The following TRAPPC9 variants were observed in gnomAD, a reference collection of about 807,000 sequenced individuals.
TRAPPC9 encodes IKK2 binding protein.
In TRAPPC9, 83 loss-of-function variants were observed where a neutral mutation model predicts 124.0. The ratio of observed to expected loss-of-function variants is 0.67; its 90% confidence interval spans 0.56 to 0.80. The LOEUF (loss-of-function observed/expected upper bound fraction) is 0.80, where lower values mean the gene tolerates loss of function less well. TRAPPC9 is among the 30% of genes least tolerant of loss of function. The pLI is 0.00. For synonymous variants in TRAPPC9, 638 were observed against 617.5 expected, an observed-to-expected ratio of 1.03 and a Z score of -0.49; for missense variants, 1,302 against 1,508.3, an observed-to-expected ratio of 0.86 and a Z score of 2.27.
At chr8:140,419,446 A>C (rs1377097190) in intron 5 of TRAPPC9, among the ~76,000 whole-genome samples, 3 of 146,754 alleles carry the variant, frequency 2.0e-5, no homozygotes, top group South Asian at 2.1e-4. Context: ...AAAAAAAAAA[A>C]AAAAAACAAA....
intron 17 of TRAPPC9, among the ~76,000 whole-genome samples, chr8:140,065,358 A>G (rs911965769): frequency 2.6e-5 from 4 of 152,222 alleles, no homozygotes; most frequent in Admixed American, 2.6e-4. Context: ...CATCCATTAG[A>G]CCTAGCAAAG....
chr8:140,280,410 TG>T (rs2065272465), intron 14 of TRAPPC9, among the ~76,000 whole-genome samples: 5 of 152,270 alleles, frequency 3.3e-5, no homozygotes, highest in African/African-American at 9.6e-5. Context: ...TGATACCTAT[TG>T]TTTTTTTGTT....
At chr8:140,131,384 C>G (rs1330567770) in intron 17 of TRAPPC9, among the ~76,000 whole-genome samples, 1 of 152,208 alleles carries the variant, frequency 6.6e-6, no homozygotes, top group East Asian at 1.9e-4. Flanking sequence ...AATTTTAACA[C>G]GATCACCATC....
intron 17 of TRAPPC9, among the ~76,000 whole-genome samples, chr8:140,048,928 C>T (rs903903098): frequency 2.0e-5 from 3 of 152,178 alleles, no homozygotes; most frequent in African/African-American, 7.2e-5. Context: ...AATCTTTATA[C>T]CCTCGGTGCC....
chr8:139,830,205 CAT>C (rs1019105306), intron 21 of TRAPPC9, among the ~76,000 whole-genome samples: 5 of 152,186 alleles, frequency 3.3e-5, no homozygotes, highest in Admixed American at 1.3e-4. Flanking sequence ...CATACACACA[CAT>C]GCATACACAC....
At chr8:140,060,623 C>A (rs1842551980) in intron 17 of TRAPPC9, among the ~76,000 whole-genome samples, 1 of 151,736 alleles carries the variant, frequency 6.6e-6, no homozygotes, top group Non-Finnish European at 1.5e-5. Flanking sequence ...CCTACCCATC[C>A]CTACCCATCC....
At chr8:140,047,810 C>G (rs1841713333) in intron 17 of TRAPPC9, among the ~76,000 whole-genome samples, 1 of 152,226 alleles carries the variant, frequency 6.6e-6, no homozygotes, top group African/African-American at 2.4e-5. Flanking sequence ...TAGCAGAAAG[C>G]CAGATCAGAC....
intron 18 of TRAPPC9, among the ~76,000 whole-genome samples, chr8:139,995,509 C>T (rs1430351725): frequency 6.6e-6 from 1 of 152,166 alleles, no homozygotes; most frequent in Non-Finnish European, 1.5e-5. Context: ...GTTTGCATCA[C>T]TCTGATTTCC....
intron 15 of TRAPPC9, among the ~76,000 whole-genome samples, chr8:140,260,572 C>G (rs986227171): frequency 6.6e-6 from 1 of 152,250 alleles, no homozygotes; most frequent in Admixed American, 6.5e-5. Context: ...AGTTCTACCT[C>G]TCCTTTCTAC....
chr8:139,831,117 C>T (rs540306288), intron 21 of TRAPPC9, among the ~76,000 whole-genome samples: 2 of 152,318 alleles, frequency 1.3e-5, no homozygotes, highest in Admixed American at 1.3e-4. Flanking sequence ...AGTGGGCAAA[C>T]AGGAGAGAGG....
rs762420995 is a variant in TRAPPC9, at chr8:139,776,884, G to A, written c.3056-44682C>T. On this transcript the variant is annotated intron_variant, in intron 21 of 22. Transcript: ENST00000438773. The surrounding 1 kb of genome is among the most constrained non-coding windows in gnomAD (Gnocchi z 4.1). The stretch of plus-strand genomic sequence containing the variant: ...ATAAAATGACAACATGGTTACTTTC[G>A]CCTAAACCACCAATTGATGACGTGG... Among the ~76,000 whole-genome samples, 4 of 152,128 alleles carry A rather than the reference G, an allele frequency of 2.6e-5. No individual in the cohort carries two copies. The highest frequency in any genetic ancestry group is 2.1e-4 in the South Asian group (1 of 4,826).
At chr8:140,443,831 G>GT (rs1174303310) in intron 2 of TRAPPC9, among the ~76,000 whole-genome samples, 1 of 150,578 alleles carries the variant, frequency 6.6e-6, no homozygotes, top group Non-Finnish European at 1.5e-5. Context: ...GAGGTCAGGA[G>GT]TTTGAGACCA....
At chr8:140,168,165 G>A (rs1476366608) in intron 17 of TRAPPC9, among the ~76,000 whole-genome samples, 1 of 152,174 alleles carries the variant, frequency 6.6e-6, no homozygotes, top group Non-Finnish European at 1.5e-5. Context: ...TATCTTATTA[G>A]TGTGGCAACT....
intron 9 of TRAPPC9, among the ~76,000 whole-genome samples, chr8:140,358,350 G>T (rs970095876): frequency 3.9e-5 from 6 of 152,182 alleles, no homozygotes; most frequent in Non-Finnish European, 7.4e-5. Context: ...GGATTACAGG[G>T]GCCTGCCACC....
At chr8:140,432,394 T>C (rs1461274754) in intron 4 of TRAPPC9, among the ~76,000 whole-genome samples, 1 of 152,182 alleles carries the variant, frequency 6.6e-6, no homozygotes, top group Non-Finnish European at 1.5e-5. Context: ...CACAGGCTCA[T>C]AGAAACTAAT....
chr8:140,032,570 G>A (rs1305516785), intron 17 of TRAPPC9, among the ~76,000 whole-genome samples: 1 of 152,074 alleles, frequency 6.6e-6, no homozygotes, highest in Non-Finnish European at 1.5e-5. Flanking sequence ...TCCTTTGCAG[G>A]TTATTTGTAG....
intron 6 of TRAPPC9, among the ~76,000 whole-genome samples, chr8:140,401,565 T>G (rs1255846848): frequency 6.6e-6 from 1 of 152,202 alleles, no homozygotes; most frequent in Non-Finnish European, 1.5e-5. Context: ...TTCCCACATA[T>G]TTTTGGTTAA....
rs114182820 is a variant in TRAPPC9, at chr8:139,895,395, G to A, written c.2965-9426C>T. On this transcript the variant is annotated intron_variant, in intron 20 of 22. Coordinates refer to ENST00000438773, the MANE Select transcript of TRAPPC9 (RefSeq NM_001160372.4). ...TACCTTTTGTGTAAAAAAAAATTACGGTAAAAAGGGTGTTTGCATGTACTT... is the reference window on the plus strand; with the variant it reads ...TACCTTTTGTGTAAAAAAAAATTACAGTAAAAAGGGTGTTTGCATGTACTT... Among the ~76,000 whole-genome samples the A allele has an allele frequency of 7.8e-3, 1,186 of 152,178 alleles. 19 individuals carry two copies. Among genetic ancestry groups the A allele is most frequent in the African/African-American group, 0.027 (1,113 of 41,498 alleles).
At chr8:139,855,088 C>T (rs1827718751) in intron 21 of TRAPPC9, among the ~76,000 whole-genome samples, 1 of 152,176 alleles carries the variant, frequency 6.6e-6, no homozygotes, top group Non-Finnish European at 1.5e-5. Flanking sequence ...GGAGACGCTG[C>T]CTCCTCCACA....
Sources: allele counts gnomAD v4.1 joint callset (sites outside exome capture counted in the v4.1 genomes callset), GRCh38; gene constraint gnomAD v4.1.1; non-coding constraint Gnocchi (gnomAD v3.1); transcripts MANE v1.5; gene names NCBI Gene and HGNC (gene_info 2026-07-23, HGNC 2026-07-21).